Variants in PCDHGA12 observed in about 807,000 individuals in gnomAD.
PCDHGA12 encodes protocadherin gamma subfamily A, 12.
Under a neutral mutation model 61.1 loss-of-function variants are expected in PCDHGA12, and 43 were observed. The observed-to-expected ratio is 0.70, with a 90% CI of 0.55 to 0.91. The LOEUF (loss-of-function observed/expected upper bound fraction) is 0.91. PCDHGA12 is among the 40% of genes least tolerant of loss of function. The pLI is 0.00. For missense variants in PCDHGA12, 1,236 were observed against 1,227.7 expected, an observed-to-expected ratio of 1.01 and a Z score of -0.10; for synonymous variants, 520 against 542.9, an observed-to-expected ratio of 0.96 and a Z score of 0.59.
chr5:141,471,562 G>T (rs2099259935), intron 1 of PCDHGA12: 1 of 152,136 alleles, frequency 6.6e-6, no homozygotes, highest in Non-Finnish European at 1.5e-5. Flanking sequence ...TTGACTCAGG[G>T]GTAGCAGTAG....
chr5:141,455,093 T>C (rs2098812615), intron 1 of PCDHGA12, among the ~76,000 whole-genome samples: 1 of 152,060 alleles, frequency 6.6e-6, no homozygotes, highest in African/African-American at 2.4e-5. Context: ...ATTACAGGCT[T>C]GAGCCACTGC....
chr5:141,477,063 A>G lies in PCDHGA12; in HGVS notation c.2425-17744A>G, dbSNP rs2099404387. 6.2e-7 allele frequency: 1 copy of G among 1,614,248 alleles called. No individual in the cohort carries two copies. On this transcript the variant is annotated intron_variant, in intron 1 of 3. Coordinates refer to ENST00000252085, the MANE Select transcript of PCDHGA12 (RefSeq NM_003735.3). The surrounding 1 kb of genome is among the most constrained non-coding windows in gnomAD (Gnocchi z 4.9). Reference sequence around the variant, plus strand: ...GGTCGGCTGGACTTCGAGGACACCAAACTCCATGAGATTTACATCCAGGCC... The same window carrying G: ...GGTCGGCTGGACTTCGAGGACACCAGACTCCATGAGATTTACATCCAGGCC...
At chr5:141,475,760 C>T (rs1480762060) in intron 1 of PCDHGA12, among the ~76,000 whole-genome samples, 1 of 152,286 alleles carries the variant, frequency 6.6e-6, no homozygotes, top group Non-Finnish European at 1.5e-5. Flanking sequence ...TGCACCGATA[C>T]TGGCAAGGCG....
At chr5:141,474,332 G>A (rs1427828070) in intron 1 of PCDHGA12, among the ~76,000 whole-genome samples, 1 of 152,168 alleles carries the variant, frequency 6.6e-6, no homozygotes, top group Non-Finnish European at 1.5e-5. Flanking sequence ...TCACCCTGAT[G>A]TTTTGTTAAA....
intron 1 of PCDHGA12, chr5:141,441,550 G>C (rs2098254247): frequency 5.4e-6 from 1 of 184,034 alleles, no homozygotes; most frequent in Non-Finnish European, 1.1e-5. Context: ...AGCCTCCATA[G>C]TGTGCAAGTA....
intron 2 of PCDHGA12, among the ~76,000 whole-genome samples, chr5:141,501,018 G>A (rs1337771734): frequency 2.0e-5 from 3 of 151,882 alleles, no homozygotes; most frequent in East Asian, 1.9e-4. Context: ...ACAGGCACGC[G>A]CCACCACGCC....
At chr5:141,478,620 G>A (rs1400703951) in intron 1 of PCDHGA12, 2 of 1,555,472 alleles carry the variant, frequency 1.3e-6, no homozygotes, top group East Asian at 2.4e-5. Context: ...AAGGAATGGA[G>A]CTGTTTTTTT....
At chr5:141,458,459 A>G (rs1232004043) in intron 1 of PCDHGA12, among the ~76,000 whole-genome samples, 1 of 152,006 alleles carries the variant, frequency 6.6e-6, no homozygotes, top group African/African-American at 2.4e-5. Flanking sequence ...AATTTTTAAA[A>G]TACCGTACAA....
At chr5:141,443,321 A>AC (rs1175439570) in intron 1 of PCDHGA12, among the ~76,000 whole-genome samples, 1 of 151,616 alleles carries the variant, frequency 6.6e-6, no homozygotes, top group African/African-American at 2.4e-5. Flanking sequence ...TCTCTACAAA[A>AC]AAAAAAAACA....
rs2097372368 is a variant in PCDHGA12 at position 141,431,422 on chromosome 5, G to A, written c.663G>A (p.Val221=). Residue 221 remains valine (V), a synonymous_variant, in exon 1 of 4, where the codon GTG becomes GTA. Coordinates refer to ENST00000252085, the MANE Select transcript of PCDHGA12 (RefSeq NM_003735.3). This position sits in a 1 kb window ranked among gnomAD's most constrained non-coding sequence, Gnocchi z 4.8. ...CGGCCTCCGACGGGGGCGACCCGGTGCGCACAGGCACCGCGCGCATCCGCG... is the reference window on the plus strand; with the variant it reads ...CGGCCTCCGACGGGGGCGACCCGGTACGCACAGGCACCGCGCGCATCCGCG... ...VLTASDGGDP[V]RTGTARIRVM... 6.2e-7 allele frequency: 1 copy of A among 1,613,710 alleles called. No individual in the cohort carries two copies. The highest frequency in any genetic ancestry group is 2.2e-5 in the East Asian group (1 of 44,882).
At chr5:141,455,634 G>T (rs1429708887) in intron 1 of PCDHGA12, among the ~76,000 whole-genome samples, 1 of 152,110 alleles carries the variant, frequency 6.6e-6, no homozygotes, top group African/African-American at 2.4e-5. Context: ...GAGATATGTG[G>T]GGGGCAGCCA....
Position 141,490,867 on chromosome 5 carries a change from C to G in PCDHGA12, c.2425-3940C>G. ...GGGGGTTCGAGACTCCGGCTCTCCC[C>G]CATTGCATGCCAACACATCTCTGCA... On this transcript the variant is annotated intron_variant, in intron 1 of 3. Coordinates refer to ENST00000252085, the MANE Select transcript of PCDHGA12 (RefSeq NM_003735.3). This position sits in a 1 kb window ranked among gnomAD's most constrained non-coding sequence, Gnocchi z 5.4. 6.2e-7 allele frequency: 1 copy of G among 1,613,912 alleles called. No individual in the cohort carries two copies. The highest frequency in any genetic ancestry group is 8.5e-7 in the Non-Finnish European group (1 of 1,179,936).
intron 1 of PCDHGA12, among the ~76,000 whole-genome samples, chr5:141,455,830 C>T (rs928219545): frequency 2.0e-5 from 3 of 151,170 alleles, no homozygotes; most frequent in African/African-American, 7.3e-5. Flanking sequence ...GACCCCTTTT[C>T]CTGTCTATCT....
chr5:141,455,905 T>TTATG (rs2098836561), intron 1 of PCDHGA12, among the ~76,000 whole-genome samples: 1 of 148,340 alleles, frequency 6.7e-6, no homozygotes, highest in Admixed American at 6.7e-5. Flanking sequence ...ATTTATTTAT[T>TTATG]TATTTATTTT....
Position 141,491,611 on chromosome 5 carries a change from A to G in PCDHGA12, c.2425-3196A>G. The G allele has an allele frequency of 6.2e-7, 1 of 1,613,866 alleles. No individual in the cohort carries two copies. The highest frequency in any genetic ancestry group is 8.5e-7 in the Non-Finnish European group (1 of 1,180,018). Reference sequence around the variant, plus strand: ...GGACGGCAGTGACTTCACTTTTCTAAGACCCCTCAGCGTTCAGCAGCCCAC... The same window carrying G: ...GGACGGCAGTGACTTCACTTTTCTAGGACCCCTCAGCGTTCAGCAGCCCAC... On this transcript the variant is annotated intron_variant, in intron 1 of 3. Transcript: ENST00000252085. This position sits in a 1 kb window ranked among gnomAD's most constrained non-coding sequence, Gnocchi z 6.9.
At chr5:141,458,201 TAGTTTAAAATA>T (rs1175017515) in intron 1 of PCDHGA12, among the ~76,000 whole-genome samples, 1 of 152,168 alleles carries the variant, frequency 6.6e-6, no homozygotes, top group Non-Finnish European at 1.5e-5. Context: ...AGGCCATAAA[TAGTTTAAAATA>T]AGTTTCCTTT....
At position 141,432,724 on chromosome 5, in the gene PCDHGA12, C is replaced by T. The variant is rs752394602; in HGVS notation, c.1965C>T (p.Ser655=). ...AGGACCACGGCCAGCCCCCTCTCTCCGCCACTGTCACGCTCACCGTGGCCG... is the reference window on the plus strand; with the variant it reads ...AGGACCACGGCCAGCCCCCTCTCTCTGCCACTGTCACGCTCACCGTGGCCG... ...AVQDHGQPPL[S]ATVTLTVAVA... is the part of the protein sequence containing the mutation. The change falls in exon 1 of 4, where the codon TCC becomes TCT. Residue 655 remains serine (S), a synonymous_variant. Coordinates refer to ENST00000252085, the MANE Select transcript of PCDHGA12 (RefSeq NM_003735.3). The surrounding 1 kb of genome is among the most constrained non-coding windows in gnomAD (Gnocchi z 6.0). The T allele has an allele frequency of 8.1e-6, 13 of 1,614,066 alleles. No individual in the cohort carries two copies. Among genetic ancestry groups the T allele is most frequent in the Middle Eastern group, 1.6e-4 (1 of 6,062 alleles).
At chr5:141,433,605 G>A (rs1411907056) in intron 1 of PCDHGA12, among the ~76,000 whole-genome samples, 1 of 152,114 alleles carries the variant, frequency 6.6e-6, no homozygotes, top group South Asian at 2.1e-4. Context: ...GGAGGCCGAG[G>A]CGGGTGGATC....
intron 1 of PCDHGA12, among the ~76,000 whole-genome samples, chr5:141,453,779 C>T (rs138335951): frequency 0.013 from 2,000 of 152,278 alleles, 24 homozygotes; most frequent in Non-Finnish European, 0.021. Flanking sequence ...ATTTTAGTTA[C>T]CATGGTATAT....
Sources: gnomAD v4.1 joint callset for allele counts (sites outside exome capture counted in the v4.1 genomes callset) on GRCh38, gnomAD v4.1.1 for gene constraint, Gnocchi (gnomAD v3.1) non-coding constraint, MANE v1.5 for transcripts, NCBI Gene and HGNC (gene_info 2026-07-23, HGNC 2026-07-21) for gene names.